The following PACRGL variants were observed in gnomAD, a reference collection of about 807,000 sequenced individuals.
The protein encoded by PACRGL is PACRG-like protein.
A neutral mutation model predicts 34.5 loss-of-function variants in PACRGL; 38 were observed. That is an observed-to-expected ratio of 1.10 (90% CI 0.85 to 1.44). The LOEUF is 1.44. Among genes scored for constraint, PACRGL ranks in the 40% most tolerant of loss-of-function variants. The pLI is 0.00. For synonymous variants in PACRGL, 128 were observed against 100.1 expected (o/e 1.28, Z -1.66); for missense variants, 305 against 281.4 (o/e 1.08, Z -0.60).
upstream of PACRGL, among the ~76,000 whole-genome samples, chr4:20,698,684 C>T (rs927470273): frequency 4.6e-5 from 7 of 152,162 alleles, no homozygotes; most frequent in African/African-American, 1.7e-4. Context: ...TTAGAAGAGG[C>T]TGTTTTAACT....
At chr4:20,712,660 T>C in intron 5 of PACRGL, 128 bp from the exon 6 acceptor site, 2 of 896,894 alleles carry the variant, frequency 2.2e-6, no homozygotes. Flanking sequence ...ACTACTGAAA[T>C]TATAATCATG....
At position 20,730,019 on chromosome 4, in the gene PACRGL, C is replaced by CCAA; in HGVS notation, c.*2680_*2682dup. The CCAA allele has an allele frequency of 6.5e-7, 1 of 1,539,408 alleles. No homozygotes were observed. On this transcript the variant is annotated 3_prime_UTR_variant, in exon 9 of 9. Transcript: ENST00000503585. ...GCAATCTATGCTAAAAGTGGTAGCT[C>CCAA]CAACTTTAAGGGTGGTAGAATAGTT...
rs1390536115 is a variant in PACRGL at position 20,700,687 on chromosome 4, TGCTA to T, written c.-116_-113del. The T allele has an allele frequency of 6.6e-6, 1 of 152,208 alleles. No individual in the cohort carries two copies. Among genetic ancestry groups the T allele is most frequent in the Non-Finnish European group, 1.5e-5 (1 of 68,088 alleles). 9.4% of individuals were successfully genotyped at this position (152,208 alleles called of 1,614,324 possible). A position where few individuals can be genotyped will look rare whatever the true frequency, so the allele number is the denominator to read the frequency against. ...TGTTGCTAGGGCCGCTGGACCCCGT[TGCTA>T]AGGACCCTTGAGATCGTGAGCGCTT... On this transcript the variant is annotated 5_prime_UTR_variant, in exon 1 of 9. Transcript: ENST00000503585.
intron 3 of PACRGL, among the ~76,000 whole-genome samples, chr4:20,707,123 T>C (rs1380583414): frequency 6.6e-6 from 1 of 152,226 alleles, no homozygotes; most frequent in Admixed American, 6.5e-5. Context: ...TGATAAAATA[T>C]TTACTTTTTG....
chr4:20,701,574 A>G (rs1324570792), intron 1 of PACRGL: 2 of 256,710 alleles, frequency 7.8e-6, no homozygotes, highest in Non-Finnish European at 1.6e-5. Context: ...TTATTTAATG[A>G]AAAACCACTT....
chr4:20,716,207 T>C, intron 7 of PACRGL: 1 of 954,402 alleles, frequency 1.0e-6, no homozygotes, highest in Non-Finnish European at 1.6e-6. Context: ...GCTGTTATGG[T>C]TTCTTACAAC....
Position 20,730,236 on chromosome 4 carries a change from A to C in PACRGL, c.*2895A>C. On this transcript the variant is annotated 3_prime_UTR_variant, in exon 9 of 9. Transcript: ENST00000503585. ...CTCCCATCAACCACCTCAACCACCT[A>C]TGCCAAAAGCTCAAATATTAAGTGT... 3.0e-6 allele frequency: 4 copies of C among 1,345,124 alleles called. No individual in the cohort carries two copies. The highest frequency in any genetic ancestry group is 3.0e-6 in the Non-Finnish European group (3 of 1,007,332). The allele number at this position is 1,345,124 out of a possible 1,614,324, so 83.3% of individuals were successfully genotyped here.
chr4:20,707,973 A>AG (rs1196867690), intron 4 of PACRGL, 103 bp downstream of exon 4: 1 of 877,474 alleles, frequency 1.1e-6, no homozygotes, highest in African/African-American at 1.7e-5. Context: ...TTTACTAGTG[A>AG]GGTTGAAATA....
intron 8 of PACRGL, among the ~76,000 whole-genome samples, chr4:20,744,155 AC>A (rs1382468973): frequency 1.3e-5 from 2 of 151,074 alleles, no homozygotes; most frequent in African/African-American, 4.9e-5. Context: ...ACACTTTTGC[AC>A]TGTTGGTGGG....
the PACRGL span, chr4:20,758,970 G>A: frequency 9.4e-7 from 1 of 1,068,160 alleles, no homozygotes; most frequent in Non-Finnish European, 1.4e-6. Flanking sequence ...AAACAGAACT[G>A]TCTACCATGC....
chr4:20,737,535 G>C (rs201615038), downstream of PACRGL, among the ~76,000 whole-genome samples: 17 of 120,074 alleles, frequency 1.4e-4, no homozygotes, highest in East Asian at 3.1e-3. Context: ...ACATGAGACA[G>C]AAGAACATGG....
intron 7 of PACRGL, among the ~76,000 whole-genome samples, chr4:20,723,191 G>A (rs1744152032): frequency 6.6e-6 from 1 of 152,192 alleles, no homozygotes; most frequent in South Asian, 2.1e-4. Flanking sequence ...AGAAGAAAGA[G>A]AATCTTGGCA....
chr4:20,696,745 A>G (rs954767825), upstream of PACRGL, among the ~76,000 whole-genome samples: 9 of 152,342 alleles, frequency 5.9e-5, no homozygotes, highest in South Asian at 8.3e-4. Context: ...AGCTTTCTGT[A>G]CTGTCCAATA....
Position 20,704,735 on chromosome 4 carries a change from T to C in PACRGL, c.128T>C (p.Leu43Ser). The C allele has an allele frequency of 6.2e-7, 1 of 1,614,022 alleles. No individual in the cohort carries two copies. The highest frequency in any genetic ancestry group is 1.1e-5 in the South Asian group (1 of 91,086). ...GCAGTTCAGGGAAGCAAATCCTCAT[T>C]GTCAACCAGTTCTCCAGAGTCTGCA... ...RNAVQGSKSS[L>S]STSSPESARK... The change falls in exon 3 of 9, where the codon TTG becomes TCG. Residue 43 changes from leucine to serine, a missense_variant. Physicochemically the swap from Leu to Ser is moderately radical, Grantham distance 145. Transcript: ENST00000503585.
chr4:20,706,102 G>A (rs562834823), intron 3 of PACRGL, among the ~76,000 whole-genome samples: 4 of 151,802 alleles, frequency 2.6e-5, no homozygotes, highest in Middle Eastern at 6.8e-3. Context: ...GTTAAAAATT[G>A]AATGGGATAA....
intron 7 of PACRGL, among the ~76,000 whole-genome samples, chr4:20,717,689 C>T (rs1740803120): frequency 6.6e-6 from 1 of 152,126 alleles, no homozygotes; most frequent in South Asian, 2.1e-4. Flanking sequence ...TTCCATTGGT[C>T]AATATCTCTG....
chr4:20,719,228 A>G (rs181248366), intron 7 of PACRGL, among the ~76,000 whole-genome samples: 11 of 151,490 alleles, frequency 7.3e-5, no homozygotes, highest in African/African-American at 2.7e-4. Flanking sequence ...TCTTTACTTT[A>G]TTAGTCTTGC....
chr4:20,707,137 C>T (rs948214881), intron 3 of PACRGL, among the ~76,000 whole-genome samples: 1 of 151,988 alleles, frequency 6.6e-6, no homozygotes. Flanking sequence ...CTTTTTGTTC[C>T]TAAATCCTCT....
intron 8 of PACRGL, among the ~76,000 whole-genome samples, chr4:20,741,754 C>A (rs1422158212): frequency 6.6e-6 from 1 of 152,140 alleles, no homozygotes; most frequent in African/African-American, 2.4e-5. Flanking sequence ...ACACAAAAAA[C>A]CCTTCAAAAA....
Sources: allele counts gnomAD v4.1 joint callset (sites outside exome capture counted in the v4.1 genomes callset), GRCh38; gene constraint gnomAD v4.1.1; transcripts MANE v1.5; gene names NCBI Gene and HGNC (gene_info 2026-07-23, HGNC 2026-07-21).